AFAP1: variants seen among roughly 807,000 people sequenced by gnomAD.
The protein encoded by AFAP1 is actin filament-associated protein 1.
Under a neutral mutation model 93.9 loss-of-function variants are expected in AFAP1, and 75 were observed. The observed-to-expected ratio is 0.80, with a 90% CI of 0.66 to 0.97. The LOEUF (loss-of-function observed/expected upper bound fraction) is 0.97, where lower values mean the gene tolerates loss of function less well. Among genes scored for constraint, AFAP1 ranks in the 50% least tolerant of loss-of-function variants. The pLI is 0.00. For synonymous variants in AFAP1, 517 were observed against 430.7 expected (o/e 1.20, Z -2.48); for missense variants, 1,201 against 1,050.8 (o/e 1.14, Z -1.98).
At chr4:7,884,444 T>A (rs944536945) in intron 1 of AFAP1, among the ~76,000 whole-genome samples, 3 of 152,136 alleles carry the variant, frequency 2.0e-5, no homozygotes, top group Non-Finnish European at 4.4e-5. Flanking sequence ...GAAGAGAGAA[T>A]AGCCAGCCCT....
intron 1 of AFAP1, among the ~76,000 whole-genome samples, chr4:7,920,871 A>G (rs1315747337): frequency 1.3e-5 from 2 of 152,284 alleles, no homozygotes; most frequent in East Asian, 1.9e-4. Flanking sequence ...AACCTGAAAA[A>G]TATCTTCTAC....
In AFAP1 at chr4:7,895,151, G is replaced by A. The variant is rs903363041; in HGVS notation, c.-2-23071C>T. Reference sequence around the variant, plus strand: ...GATGATAGAACGATCTGGACACAGCGAATGAACACAGACTTCGGTGGTGGA... The same window carrying A: ...GATGATAGAACGATCTGGACACAGCAAATGAACACAGACTTCGGTGGTGGA... On this transcript the variant is annotated intron_variant, in intron 1 of 17. Coordinates refer to ENST00000420658, the MANE Select transcript of AFAP1 (RefSeq NM_001134647.2). Among the ~76,000 whole-genome samples the A allele has an allele frequency of 2.0e-5, 3 of 152,368 alleles. No individual in the cohort carries two copies. The South Asian group carries it at 6.2e-4, about 32-fold the overall frequency.
chr4:7,809,428 T>C, intron 9 of AFAP1, 186 bp downstream of exon 9: 1 of 612,286 alleles, frequency 1.6e-6, no homozygotes, highest in Non-Finnish European at 2.5e-6. Flanking sequence ...GCCTGCAAAG[T>C]CTTGTATGAA....
intron 6 of AFAP1, among the ~76,000 whole-genome samples, chr4:7,819,879 T>A (rs1720813683): frequency 1.3e-5 from 2 of 152,238 alleles, no homozygotes; most frequent in African/African-American, 4.8e-5. Context: ...TTAACTGCCC[T>A]GTGCTTCAGC....
At chr4:7,825,697 T>C (rs1303866509) in intron 6 of AFAP1, among the ~76,000 whole-genome samples, 1 of 151,432 alleles carries the variant, frequency 6.6e-6, no homozygotes, top group Non-Finnish European at 1.5e-5. Flanking sequence ...TTACAGCAAA[T>C]TAAGCTAAAA....
chr4:7,779,033 T>G (rs1350423496), intron 13 of AFAP1, 157 bp from the exon 14 acceptor site: 25 of 613,116 alleles, frequency 4.1e-5, no homozygotes, highest in Non-Finnish European at 6.2e-5. Flanking sequence ...CCAAGATGGT[T>G]TCCAAACACT....
chr4:7,835,792 G>A (rs544096494), intron 6 of AFAP1, among the ~76,000 whole-genome samples: 30 of 134,180 alleles, frequency 2.2e-4, no homozygotes, highest in Non-Finnish European at 4.1e-4. Context: ...AATGGACTGC[G>A]GGCGGCCTCA....
rs1050795790 is a variant in AFAP1 at position 7,939,812 on chromosome 4, G to T, written c.-159C>A. ...AGCCCGTGTACCCCGCTCGAGATCC[G>T]GCTCGGCTCGCGGAGCTGCAGCCGG... On this transcript the variant is annotated 5_prime_UTR_variant, in exon 1 of 18. Coordinates refer to ENST00000420658, the MANE Select transcript of AFAP1 (RefSeq NM_001134647.2). This position sits in a 1 kb window ranked among gnomAD's most constrained non-coding sequence, Gnocchi z 5.6. 6 of 311,218 alleles carry T rather than the reference G, an allele frequency of 1.9e-5. No individual in the cohort carries two copies. Among genetic ancestry groups the T allele is most frequent in the Non-Finnish European group, 3.7e-5 (6 of 163,066 alleles). 19.3% of individuals were successfully genotyped at this position (311,218 alleles called of 1,614,324 possible). A position where few individuals can be genotyped will look rare whatever the true frequency, so the allele number is the denominator to read the frequency against.
At position 7,774,771 on chromosome 4, in the gene AFAP1, T is replaced by C. The variant is rs1715922394; in HGVS notation, c.2030A>G (p.Lys677Arg). 2 of 1,614,112 alleles carry C rather than the reference T, an allele frequency of 1.2e-6. No individual in the cohort carries two copies. Among genetic ancestry groups the C allele is most frequent in the African/African-American group, 1.3e-5 (1 of 74,930 alleles). Residue 677 changes from lysine (K) to arginine (R), a missense_variant, in exon 15 of 18, where the codon AAA (lysine) becomes AGA (arginine). Transcript: ENST00000420658. Reference sequence around the variant, plus strand: ...CACTTCAATAGCCGCTCGAAGGTCTTTTCTTTCCTTGCGGAGCTGGGCCAG... The same window carrying C: ...CACTTCAATAGCCGCTCGAAGGTCTCTTCTTTCCTTGCGGAGCTGGGCCAG... ...NRLAQLRKER[K>R]DLRAAIEVNA...
chr4:7,884,489 A>G (rs1244574701), intron 1 of AFAP1, among the ~76,000 whole-genome samples: 1 of 147,166 alleles, frequency 6.8e-6, no homozygotes, highest in Non-Finnish European at 1.5e-5. Context: ...GCTCATCATT[A>G]AAACCATTTG....
At chr4:7,863,781 A>G (rs1400505396) in intron 3 of AFAP1, among the ~76,000 whole-genome samples, 1 of 152,232 alleles carries the variant, frequency 6.6e-6, no homozygotes, top group East Asian at 1.9e-4. Context: ...CTTATTTGTT[A>G]AAGAGTTTAT....
intron 10 of AFAP1, among the ~76,000 whole-genome samples, chr4:7,795,596 T>A: frequency 6.6e-6 from 1 of 151,794 alleles, no homozygotes; most frequent in Non-Finnish European, 1.5e-5. Flanking sequence ...GGATAATTTT[T>A]TGTATTTTTA....
chr4:7,869,363 C>G (rs1361054129), intron 2 of AFAP1, among the ~76,000 whole-genome samples: 1 of 152,242 alleles, frequency 6.6e-6, no homozygotes, highest in Admixed American at 6.5e-5. Flanking sequence ...TGCTCCCCCT[C>G]AACTTCTACT....
chr4:7,798,060 GAA>G (rs1185417532), intron 10 of AFAP1, among the ~76,000 whole-genome samples: 2 of 152,054 alleles, frequency 1.3e-5, no homozygotes, highest in African/African-American at 4.8e-5. Flanking sequence ...AAGGATCTTG[GAA>G]AAAGTATAGA....
At chr4:7,921,185 T>C (rs948985264) in intron 1 of AFAP1, among the ~76,000 whole-genome samples, 1 of 138,950 alleles carries the variant, frequency 7.2e-6, no homozygotes, top group Non-Finnish European at 1.5e-5. Flanking sequence ...GCAAAACTTT[T>C]TTTTTTTTTT....
intron 1 of AFAP1, among the ~76,000 whole-genome samples, chr4:7,938,122 C>T (rs1351850866): frequency 2.0e-5 from 3 of 152,098 alleles, no homozygotes; most frequent in African/African-American, 7.2e-5. Flanking sequence ...TCAACAGAGT[C>T]CATAGCAATG....
chr4:7,823,287 C>T (rs906394470), intron 6 of AFAP1, among the ~76,000 whole-genome samples: 2 of 151,660 alleles, frequency 1.3e-5, no homozygotes, highest in African/African-American at 2.4e-5. Flanking sequence ...AGGAAAGAAA[C>T]TGGAATTAAG....
chr4:7,903,795 T>C (rs1161079810), intron 1 of AFAP1, among the ~76,000 whole-genome samples: 1 of 152,196 alleles, frequency 6.6e-6, no homozygotes, highest in Non-Finnish European at 1.5e-5. Context: ...TCCTGGATCC[T>C]TGTCCCTCAC....
chr4:7,923,754 C>T (rs1043507524), intron 1 of AFAP1, among the ~76,000 whole-genome samples: 7 of 152,112 alleles, frequency 4.6e-5, no homozygotes, highest in African/African-American at 1.2e-4. Context: ...TGTGAGCCAC[C>T]GCACCCGGCC....
Sources: gnomAD v4.1 joint callset for allele counts (sites outside exome capture counted in the v4.1 genomes callset) on GRCh38, gnomAD v4.1.1 for gene constraint, Gnocchi (gnomAD v3.1) non-coding constraint, MANE v1.5 for transcripts, NCBI Gene and HGNC (gene_info 2026-07-23, HGNC 2026-07-21) for gene names.